The following PHKB variants were observed in gnomAD, a reference collection of about 807,000 sequenced individuals.
PHKB encodes phosphorylase kinase regulatory subunit beta.
PHKB carries 122 observed loss-of-function variants against 152.1 expected under a neutral mutation model. The ratio of observed to expected loss-of-function variants is 0.80; its 90% CI spans 0.69 to 0.93. The LOEUF (loss-of-function observed/expected upper bound fraction) is 0.93, where lower values mean the gene tolerates loss of function less well. Among genes scored for constraint, PHKB ranks in the 40% least tolerant of loss-of-function variants. PHKB has a pLI of 0.00. For synonymous variants in PHKB, 436 were observed against 464.9 expected (o/e 0.94, Z 0.80); for missense variants, 1,304 against 1,328.4 (o/e 0.98, Z 0.29).
At chr16:47,615,870 T>C (rs1972505674) in intron 14 of PHKB, among the ~76,000 whole-genome samples, 1 of 152,244 alleles carries the variant, frequency 6.6e-6, no homozygotes. Flanking sequence ...ATGGCTATCA[T>C]TTATTGAGCA....
chr16:47,487,460 G>A (rs1419377613), intron 1 of PHKB, among the ~76,000 whole-genome samples: 1 of 150,982 alleles, frequency 6.6e-6, no homozygotes, highest in Non-Finnish European at 1.5e-5. Context: ...TTTATTTTAG[G>A]TTGAGGGAGT....
intron 16 of PHKB, among the ~76,000 whole-genome samples, chr16:47,648,155 G>A (rs888102099): frequency 1.6e-4 from 24 of 151,962 alleles, no homozygotes; most frequent in African/African-American, 5.8e-4. Context: ...ACTTAAAGGT[G>A]GAAATTTAGT....
intron 1 of PHKB, among the ~76,000 whole-genome samples, chr16:47,472,609 C>T (rs1271159860): frequency 6.6e-5 from 10 of 152,060 alleles, no homozygotes; most frequent in African/African-American, 2.4e-4. Flanking sequence ...AGTGAAACCT[C>T]GTCTCTACTA....
chr16:47,628,531 C>CA (rs1402932377), intron 14 of PHKB, among the ~76,000 whole-genome samples: 2 of 151,696 alleles, frequency 1.3e-5, no homozygotes, highest in African/African-American at 4.8e-5. Flanking sequence ...AACTCTGTCT[C>CA]AAAAAAATAA....
At chr16:47,678,167 C>T (rs1257060392) in intron 26 of PHKB, among the ~76,000 whole-genome samples, 1 of 151,952 alleles carries the variant, frequency 6.6e-6, no homozygotes, top group Non-Finnish European at 1.5e-5. Context: ...TCCAGTCTAT[C>T]ATTGTTGGAC....
chr16:47,645,458 TA>T (rs2151728489), intron 16 of PHKB, among the ~76,000 whole-genome samples: 1 of 114,528 alleles, frequency 8.7e-6, no homozygotes, highest in South Asian at 3.6e-4. Context: ...CAGCACCATT[TA>T]TTAAATAGGG....
In PHKB at chr16:47,645,636, GT is replaced by G. The variant is rs1387281391; in HGVS notation, c.1609-2896del. The stretch of plus-strand genomic sequence containing the variant: ...CTGTAGCCTTGTAGTATAGTTTGAA[GT>G]CAGGTAGTGTGATGCCTCCAGCTTT... On this transcript the variant is annotated intron_variant, in intron 16 of 30. Transcript: ENST00000323584. Among the ~76,000 whole-genome samples the G allele has an allele frequency of 2.0e-4, 30 of 151,586 alleles. No individual in the cohort carries two copies. The East Asian group carries it at 5.8e-3, about 30-fold the overall frequency.
At position 47,660,648 on chromosome 16, in the gene PHKB, A is replaced by T. The variant is rs1345239789; in HGVS notation, c.2034-9A>T. 6.2e-7 allele frequency: 1 copy of T among 1,613,508 alleles called. No homozygotes were observed. ...CAGAAAATATGAAACCTTTTCTTTT[A>T]ATTTTTAGGCTTCCAGAATTTAAGA... On this transcript the variant is annotated splice_polypyrimidine_tract_variant and intron_variant, in intron 21 of 30. Transcript: ENST00000323584.
At chr16:47,682,283 A>G (rs952680218) in intron 26 of PHKB, among the ~76,000 whole-genome samples, 4 of 151,920 alleles carry the variant, frequency 2.6e-5, no homozygotes, top group African/African-American at 7.3e-5. Flanking sequence ...CGTTCTCTGT[A>G]TTTCCTGGAT....
chr16:47,464,661 C>A (rs575682877), intron 1 of PHKB, among the ~76,000 whole-genome samples: 1 of 152,290 alleles, frequency 6.6e-6, no homozygotes, highest in South Asian at 2.1e-4. Context: ...CCTATGCATT[C>A]CCATTAGCAA....
At chr16:47,578,485 G>T (rs1414170052) in intron 7 of PHKB, among the ~76,000 whole-genome samples, 2 of 152,102 alleles carry the variant, frequency 1.3e-5, no homozygotes, top group Non-Finnish European at 2.9e-5. Context: ...AGAAGAAGGG[G>T]TGAGGGCACA....
intron 27 of PHKB, 124 bp from the exon 28 acceptor site, chr16:47,693,254 C>A: frequency 1.1e-6 from 1 of 872,324 alleles, no homozygotes; most frequent in Non-Finnish European, 1.9e-6. Context: ...CGGAGATATG[C>A]ATCATTGATG....
intron 14 of PHKB, among the ~76,000 whole-genome samples, chr16:47,613,685 C>T (rs1015367168): frequency 1.8e-4 from 28 of 152,140 alleles, no homozygotes; most frequent in Admixed American, 1.5e-3. Context: ...TGTGTAACCA[C>T]CGTCACGGTC....
intron 13 of PHKB, among the ~76,000 whole-genome samples, chr16:47,605,291 G>A (rs902110988): frequency 2.0e-5 from 3 of 152,168 alleles, no homozygotes; most frequent in Non-Finnish European, 4.4e-5. Flanking sequence ...ACATGAGCAC[G>A]TGGTGTAAGT....
chr16:47,697,911 A>G (rs1974177378), intron 29 of PHKB, among the ~76,000 whole-genome samples: 2 of 152,226 alleles, frequency 1.3e-5, no homozygotes, highest in South Asian at 2.1e-4. Flanking sequence ...AGAGTTAAAC[A>G]TATTTTTTTA....
chr16:47,463,906 T>G, intron 1 of PHKB: 1 of 1,613,406 alleles, frequency 6.2e-7, no homozygotes, highest in South Asian at 1.1e-5. Flanking sequence ...TAGCTTAGCC[T>G]GCGACGCTTA....
intron 6 of PHKB, among the ~76,000 whole-genome samples, chr16:47,544,436 C>T (rs1030909025): frequency 3.9e-5 from 6 of 152,218 alleles, no homozygotes; most frequent in Admixed American, 6.5e-5. Context: ...AAGTTGATCA[C>T]ACTGTGGTCT....
At chr16:47,692,743 G>A (rs1304882749) in intron 27 of PHKB, among the ~76,000 whole-genome samples, 1 of 152,134 alleles carries the variant, frequency 6.6e-6, no homozygotes, top group Non-Finnish European at 1.5e-5. Flanking sequence ...AGTGCTTAAT[G>A]CATGAAAATA....
At chr16:47,498,155 A>AT (rs1199786925) in intron 2 of PHKB, among the ~76,000 whole-genome samples, 1 of 152,086 alleles carries the variant, frequency 6.6e-6, no homozygotes, top group Non-Finnish European at 1.5e-5. Flanking sequence ...AAGATGATGG[A>AT]TTTTTTGGTC....
Sources: allele counts gnomAD v4.1 joint callset (sites outside exome capture counted in the v4.1 genomes callset), GRCh38; gene constraint gnomAD v4.1.1; transcripts MANE v1.5; gene names NCBI Gene and HGNC (gene_info 2026-07-23, HGNC 2026-07-21).